PHC3: variants seen among roughly 807,000 people sequenced by gnomAD.
PHC3 encodes polyhomeotic-like protein 3.
Under a neutral mutation model 107.4 loss-of-function variants are expected in PHC3, and 13 were observed. The ratio of observed to expected loss-of-function variants is 0.12; its 90% CI spans 0.08 to 0.19. PHC3 has a LOEUF of 0.19. Ranked by LOEUF, PHC3 falls within the 10% of genes least tolerant of loss-of-function variation. The probability of loss-of-function intolerance (pLI) is 1.00; values close to 1 mark genes in which losing one functional copy is unlikely to be tolerated. For synonymous variants in PHC3, 456 were observed against 427.4 expected (o/e 1.07, Z -0.83); for missense variants, 992 against 1,210.9 (o/e 0.82, Z 2.68).
At position 170,177,648 on chromosome 3, in the gene PHC3, T is replaced by C. The variant is rs1730682233; in HGVS notation, c.180+1125A>G. ...TCCCAAAGCGCTGGGATTAGAAGTG[T>C]GAGCCACCACGCCCAGCATTTTTTT... is the stretch of plus-strand genomic sequence containing the variant. On this transcript the variant is annotated intron_variant, in intron 2 of 14. Transcript: ENST00000495893. 2.0e-5 allele frequency among the ~76,000 whole-genome samples: 3 copies of C among 150,140 alleles called. No individual in the cohort carries two copies. The South Asian group carries it at 6.3e-4, about 31-fold the overall frequency.
chr3:170,136,486 G>A lies in PHC3; in HGVS notation c.852C>T (p.Ser284=). 1 of 1,605,930 alleles carries A rather than the reference G, an allele frequency of 6.2e-7. No homozygotes were observed. Among genetic ancestry groups the A allele is most frequent in the Non-Finnish European group, 8.5e-7 (1 of 1,176,616 alleles). ...PSPESNKKGE[S]PSLESRSTAV... Reference sequence around the variant, plus strand: ...CTGTGCTTCGTGATTCCAGGCTTGGGCTCTCTCCTTTCTTATTACTTTCTG... The same window carrying A: ...CTGTGCTTCGTGATTCCAGGCTTGGACTCTCTCCTTTCTTATTACTTTCTG... The change falls in exon 7 of 15, where the codon AGC becomes AGT. Residue 284 remains serine (S), a synonymous_variant. Transcript: ENST00000495893.
intron 1 of PHC3, 87 bp downstream of exon 1, chr3:170,181,613 AAG>A: frequency 6.3e-7 from 1 of 1,592,694 alleles, no homozygotes; most frequent in Non-Finnish European, 8.6e-7. Context: ...CTGCCCGCAA[AAG>A]AGCCCTGAGC....
At chr3:170,110,264 A>C (rs1029704162) in intron 11 of PHC3, among the ~76,000 whole-genome samples, 3 of 152,054 alleles carry the variant, frequency 2.0e-5, no homozygotes, top group Non-Finnish European at 2.9e-5. Flanking sequence ...ACCCACCTTC[A>C]AACCATCCAC....
intron 11 of PHC3, 116 bp downstream of exon 11, chr3:170,113,244 A>C (rs1203725731): frequency 1.0e-6 from 1 of 986,548 alleles, no homozygotes; most frequent in Non-Finnish European, 1.4e-6. Context: ...GCATTATATG[A>C]AAATAAAAGT....
rs1223384405 is a variant in PHC3 at position 170,097,367 on chromosome 3, C to A, written c.2851G>T (p.Asp951Tyr). Residue 951 changes from aspartate to tyrosine, a missense_variant, in exon 15 of 15, where the codon GAT becomes TAT. By Grantham distance (160) the Asp-to-Tyr change is radical. Around this residue, in one of 6 missense-constraint regions of PHC3, gnomAD observed 228 missense variants for 288.8 expected, o/e 0.79. Transcript: ENST00000495893. The surrounding 1 kb of genome is among the most constrained non-coding windows in gnomAD (Gnocchi z 4.1). ...TCAATCTCCTGTGCTCTGAATTCAT[C>A]TGCGATATCCTGGCAGCCTGGAATT... Reference protein sequence around the residue: ...HSLPGCQDIADEFRAQEIDGQ... With the variant: ...HSLPGCQDIAYEFRAQEIDGQ... 1.9e-6 allele frequency: 3 copies of A among 1,612,472 alleles called. No individual in the cohort carries two copies. The highest frequency in any genetic ancestry group is 1.7e-6 in the Non-Finnish European group (2 of 1,179,074).
At chr3:170,134,045 A>T (rs1185421462) in intron 7 of PHC3, among the ~76,000 whole-genome samples, 1 of 152,120 alleles carries the variant, frequency 6.6e-6, no homozygotes, top group Non-Finnish European at 1.5e-5. Flanking sequence ...CACACTGTCA[A>T]AACTAGCCAG....
rs772084798 is a variant in PHC3, at chr3:170,128,720, T to C, written c.1752A>G (p.Leu584=). Residue 584 remains leucine (L), a synonymous_variant, in exon 8 of 15, where the codon CTA becomes CTG. Coordinates refer to ENST00000495893, the MANE Select transcript of PHC3 (RefSeq NM_024947.4). ...LPPPQTVAVN[L]QVQPPAPVDP... is the part of the protein sequence containing the mutation. ...CAACAGGTGCTGGTGGTTGCACTTG[T>C]AGGTTTACCGCAACAGTCTGTGGAG... 21 of 1,614,010 alleles carry C rather than the reference T, an allele frequency of 1.3e-5. No homozygotes were observed. In the East Asian group the frequency reaches 2.5e-4, roughly 19 times the overall value.
intron 4 of PHC3, among the ~76,000 whole-genome samples, chr3:170,160,508 G>C (rs1727709510): frequency 6.6e-6 from 1 of 152,198 alleles, no homozygotes; most frequent in African/African-American, 2.4e-5. Flanking sequence ...GGCAACCAAA[G>C]AATCTCATCA....
In PHC3 at chr3:170,097,214, A is replaced by C; in HGVS notation, c.*16T>G. ...GAAAAGTAAAACTGCTGTTTTATCAAGGCTTCATGTTCCTGTTAAGATTCC... is the reference window on the plus strand; with the variant it reads ...GAAAAGTAAAACTGCTGTTTTATCACGGCTTCATGTTCCTGTTAAGATTCC... On this transcript the variant is annotated 3_prime_UTR_variant, in exon 15 of 15. Transcript: ENST00000495893. This position sits in a 1 kb window ranked among gnomAD's most constrained non-coding sequence, Gnocchi z 4.1. The C allele has an allele frequency of 6.3e-7, 1 of 1,584,414 alleles. No homozygotes were observed. The highest frequency in any genetic ancestry group is 8.6e-7 in the Non-Finnish European group (1 of 1,160,678).
Position 170,128,395 on chromosome 3 carries a change from A to G in PHC3, c.1788+289T>C, listed in dbSNP as rs986981209. The G allele has an allele frequency of 3.4e-5, 45 of 1,329,638 alleles. No homozygotes were observed. In the Admixed American group the frequency reaches 1.0e-3, roughly 30 times the overall value. The allele number at this position is 1,329,638 out of a possible 1,614,324, so 82.4% of individuals were successfully genotyped here. A position where few individuals can be genotyped will look rare whatever the true frequency, so the allele number is the denominator to read the frequency against. On this transcript the variant is annotated intron_variant, in intron 8 of 14. Transcript: ENST00000495893. ...CTGGTTCAAATGCATTCCCTTGGGG[A>G]AAAAAAATCAACTCTGTAAAGATAG...
chr3:170,104,000 G>A (rs2108279045), intron 12 of PHC3, among the ~76,000 whole-genome samples: 1 of 152,292 alleles, frequency 6.6e-6, no homozygotes, highest in South Asian at 2.1e-4. Flanking sequence ...AGCCCAGGAG[G>A]CCAAGGTTGT....
chr3:170,136,999 T>C (rs1180127616), intron 6 of PHC3, among the ~76,000 whole-genome samples: 1 of 152,030 alleles, frequency 6.6e-6, no homozygotes, highest in African/African-American at 2.4e-5. Context: ...AAAAGCAGTA[T>C]GTATATATAT....
At chr3:170,129,865 A>G (rs1477614920) in intron 7 of PHC3, among the ~76,000 whole-genome samples, 6 of 151,982 alleles carry the variant, frequency 3.9e-5, no homozygotes, top group Non-Finnish European at 8.8e-5. Flanking sequence ...ACACCCGGCT[A>G]ACTTCTGTAT....
intron 4 of PHC3, chr3:170,170,471 G>A (rs559240647): frequency 6.6e-6 from 1 of 151,246 alleles, no homozygotes; most frequent in South Asian, 2.1e-4. Context: ...ATAGTGATGA[G>A]GTTGGGAAAC....
intron 8 of PHC3, among the ~76,000 whole-genome samples, chr3:170,124,963 T>C (rs1040991925): frequency 2.6e-5 from 4 of 152,158 alleles, no homozygotes; most frequent in African/African-American, 4.8e-5. Context: ...GAATAAAACA[T>C]CTTCTTTTGT....
At chr3:170,151,385 G>A (rs1033521198) in intron 4 of PHC3, among the ~76,000 whole-genome samples, 1 of 152,160 alleles carries the variant, frequency 6.6e-6, no homozygotes, top group African/African-American at 2.4e-5. Flanking sequence ...ATACATCCAT[G>A]TGACCAAACG....
At position 170,091,979 on chromosome 3, in the gene PHC3, G is replaced by A. The variant is rs186831958; in HGVS notation, c.*5251C>T. The A allele has an allele frequency of 6.6e-6, 1 of 152,196 alleles. No homozygotes were observed. Among genetic ancestry groups the A allele is most frequent in the African/African-American group, 2.4e-5 (1 of 41,542 alleles). The allele number at this position is 152,196 out of a possible 1,614,324, so 9.4% of individuals were successfully genotyped here. On this transcript the variant is annotated 3_prime_UTR_variant, in exon 15 of 15. Transcript: ENST00000495893. The stretch of plus-strand genomic sequence containing the variant: ...CATTTTATGAACTTCTAATAAAAGA[G>A]GACGTATCTTCCCAAATAATTTTTT...
chr3:170,121,469 G>A (rs1222160135), intron 9 of PHC3, among the ~76,000 whole-genome samples: 1 of 152,168 alleles, frequency 6.6e-6, no homozygotes, highest in African/African-American at 2.4e-5. Flanking sequence ...GCACATACGG[G>A]ATATTTGTTT....
chr3:170,117,197 A>T (rs779140799), intron 10 of PHC3, 29 bp downstream of exon 10: 1 of 1,612,608 alleles, frequency 6.2e-7, no homozygotes, highest in East Asian at 2.2e-5. Context: ...TAAATTACAA[A>T]CACACACACA....
Sources: gnomAD v4.1 joint callset for allele counts (sites outside exome capture counted in the v4.1 genomes callset) on GRCh38, gnomAD v4.1.1 for gene constraint, gnomAD v4.1.1 regional missense constraint, Gnocchi (gnomAD v3.1) non-coding constraint, MANE v1.5 for transcripts, NCBI Gene and HGNC (gene_info 2026-07-23, HGNC 2026-07-21) for gene names.